DPYS: variants seen among roughly 807,000 people sequenced by gnomAD.
DPYS encodes the protein dihydropyrimidinase, also known as dihydropyrimidine amidohydrolase.
Under a neutral mutation model 50.3 loss-of-function variants are expected in DPYS, and 39 were observed. The observed-to-expected ratio is 0.78, with a 90% confidence interval of 0.60 to 1.01. The LOEUF (loss-of-function observed/expected upper bound fraction) is 1.01. DPYS is among the 50% of genes least tolerant of loss of function. The pLI is 0.00. For synonymous variants in DPYS, 245 were observed against 250.7 expected, an observed-to-expected ratio of 0.98 and a Z score of 0.22; for missense variants, 659 against 680.9, an observed-to-expected ratio of 0.97 and a Z score of 0.36.
intron 7 of DPYS, among the ~76,000 whole-genome samples, chr8:104,412,031 T>C (rs1812198809): frequency 6.6e-6 from 1 of 152,196 alleles, no homozygotes; most frequent in Non-Finnish European, 1.5e-5. Flanking sequence ...GTACTCTGAC[T>C]CTCCTTCCCA....
At chr8:104,439,064 T>TA (rs766605786) in intron 4 of DPYS, among the ~76,000 whole-genome samples, 1,354 of 102,252 alleles carry the variant, frequency 0.013, 18 homozygotes, top group African/African-American at 0.038. Flanking sequence ...GCCTCTTAAA[T>TA]AAAAAAAAAA....
At chr8:104,399,594 G>A (rs768367171) in intron 7 of DPYS, among the ~76,000 whole-genome samples, 6 of 151,974 alleles carry the variant, frequency 3.9e-5, no homozygotes, top group Non-Finnish European at 5.9e-5. Flanking sequence ...CTGCAGCTGC[G>A]TGCGGTTGCT....
rs1178316303 is a variant in DPYS, at chr8:104,429,673, T to A, written c.822A>T (p.Ala274=). ...DGKVVYGEPI[A]ASLGTDGTHY... ...GAGTGCCATCTGTGCCAAGACTGGC[T>A]GCTATGGGTTCACCATAGACCACCT... Residue 274 remains alanine (A), a synonymous_variant, in exon 5 of 10, where the codon GCA becomes GCT. Transcript: ENST00000351513. 6.2e-7 allele frequency: 1 copy of A among 1,614,160 alleles called. No homozygotes were observed. The highest frequency in any genetic ancestry group is 1.1e-5 in the South Asian group (1 of 91,082).
rs1184815192 is a variant in DPYS, at chr8:104,396,498, CA to C, written c.1236-3508del. Among the ~76,000 whole-genome samples, 24 of 152,168 alleles carry C rather than the reference CA, an allele frequency of 1.6e-4. No homozygotes were observed. The South Asian group carries it at 3.9e-3, about 25-fold the overall frequency. ...TAAAAACTGAAGCATAACTATTTTC[CA>C]AAGTCTATCCTATAGAATATTAGGC... is the stretch of plus-strand genomic sequence containing the variant. On this transcript the variant is annotated intron_variant, in intron 7 of 9. Coordinates refer to ENST00000351513, the MANE Select transcript of DPYS (RefSeq NM_001385.3).
chr8:104,444,963 G>C (rs1813479666), intron 3 of DPYS, among the ~76,000 whole-genome samples: 1 of 152,178 alleles, frequency 6.6e-6, no homozygotes. Context: ...GATTTGAATA[G>C]AGATTTCTTC....
rs1813576147 is a variant in DPYS at position 104,447,453 on chromosome 8, G to A, written c.474C>T (p.Phe158=). ...ILVQDKGVNS[F]KMFMAYKDLY... ...GATCTTTATAGGCCATAAACATCTT[G>A]AAAGAGTTAACACCTTTATCTTGCA... The change falls in exon 3 of 10, where the codon TTC becomes TTT. Residue 158 remains phenylalanine, a synonymous_variant. Coordinates refer to ENST00000351513, the MANE Select transcript of DPYS (RefSeq NM_001385.3). 5 of 1,613,944 alleles carry A rather than the reference G, an allele frequency of 3.1e-6. 1 individual carries two copies. The South Asian group carries it at 4.4e-5, about 14-fold the overall frequency.
chr8:104,436,197 T>C (rs1813139703), intron 4 of DPYS, among the ~76,000 whole-genome samples: 1 of 152,138 alleles, frequency 6.6e-6, no homozygotes, highest in Admixed American at 6.5e-5. Context: ...TCCATGCCCG[T>C]TCCCACACTG....
rs1812645345 is a variant in DPYS at position 104,424,261 on chromosome 8, G to A, written c.1221C>T (p.Asp407=). ...CTTAGACTTACCTTGTGCCTTTTGG[G>A]TCCCAAATAACAATGTCAGCATCTG... ...VGSDADIVIW[D]PKGTRTISAK... is the part of the protein sequence containing the mutation. Residue 407 remains aspartate, a synonymous_variant, in exon 7 of 10, where the codon GAC becomes GAT. Coordinates refer to ENST00000351513, the MANE Select transcript of DPYS (RefSeq NM_001385.3). 1 of 1,613,932 alleles carries A rather than the reference G, an allele frequency of 6.2e-7. No individual in the cohort carries two copies. The highest frequency in any genetic ancestry group is 1.1e-5 in the South Asian group (1 of 91,076).
At chr8:104,463,356 T>G (rs1253731630) in intron 1 of DPYS, among the ~76,000 whole-genome samples, 1 of 152,230 alleles carries the variant, frequency 6.6e-6, no homozygotes, top group Non-Finnish European at 1.5e-5. Context: ...AGTTACTGTC[T>G]TTTCTAAAGA....
intron 9 of DPYS, among the ~76,000 whole-genome samples, chr8:104,380,350 G>A (rs1474682275): frequency 1.3e-5 from 2 of 152,208 alleles, no homozygotes; most frequent in Admixed American, 1.3e-4. Context: ...CTGGGGTTAA[G>A]TCTTGTGCAG....
In DPYS at chr8:104,392,641, C is replaced by T; in HGVS notation, c.1443+143G>A. ...TTATCTAAAAACTGGCATCTCTAAT[C>T]TCTCATATCAATCCTGACACCCCAG... On this transcript the variant is annotated intron_variant, in intron 8 of 9. Transcript: ENST00000351513. 3 of 1,026,056 alleles carry T rather than the reference C, an allele frequency of 2.9e-6. No homozygotes were observed. In the South Asian group the frequency reaches 3.8e-5, roughly 13 times the overall value. 63.6% of individuals were successfully genotyped at this position (1,026,056 alleles called of 1,614,324 possible). A position where few individuals can be genotyped will look rare whatever the true frequency, so the allele number is the denominator to read the frequency against.
chr8:104,433,033 G>C (rs1813006870), intron 4 of DPYS, among the ~76,000 whole-genome samples: 1 of 152,152 alleles, frequency 6.6e-6, no homozygotes. Flanking sequence ...ATACGAAGAG[G>C]AAATTTGGAC....
At chr8:104,386,179 G>A (rs1221893448) in intron 8 of DPYS, among the ~76,000 whole-genome samples, 1 of 152,122 alleles carries the variant, frequency 6.6e-6, no homozygotes, top group Non-Finnish European at 1.5e-5. Context: ...TTTCATAACT[G>A]CAGAAATGCC....
Position 104,429,717 on chromosome 8 carries a change from G to A in DPYS, c.794-16C>T. The A allele has an allele frequency of 6.2e-7, 1 of 1,613,978 alleles. No individual in the cohort carries two copies. Among genetic ancestry groups the A allele is most frequent in the Non-Finnish European group, 8.5e-7 (1 of 1,179,962 alleles). On this transcript the variant is annotated splice_polypyrimidine_tract_variant and intron_variant, in intron 4 of 9. Coordinates refer to ENST00000351513, the MANE Select transcript of DPYS (RefSeq NM_001385.3). ...ACCACCTTCCCTGGAAAGATTAAAA[G>A]AAGCATTCATCACTTTAATTTTATT...
At chr8:104,420,271 G>C (rs889731029) in intron 7 of DPYS, 1 of 152,196 alleles carries the variant, frequency 6.6e-6, no homozygotes, top group African/African-American at 2.4e-5. Context: ...AAAGGTCCTA[G>C]TTGAGGTCAT....
chr8:104,401,188 C>T (rs1408301402), intron 7 of DPYS, among the ~76,000 whole-genome samples: 3 of 152,158 alleles, frequency 2.0e-5, no homozygotes, highest in Non-Finnish European at 2.9e-5. Context: ...TTATTAGTGG[C>T]ATCTTTAAAA....
At chr8:104,433,800 C>G (rs1411911217) in intron 4 of DPYS, among the ~76,000 whole-genome samples, 2 of 152,120 alleles carry the variant, frequency 1.3e-5, no homozygotes, top group East Asian at 3.9e-4. Flanking sequence ...AGCGTGACTA[C>G]TTGGGAAGAG....
intron 4 of DPYS, among the ~76,000 whole-genome samples, chr8:104,442,583 T>G (rs1429342483): frequency 1.3e-5 from 2 of 152,196 alleles, no homozygotes; most frequent in Non-Finnish European, 2.9e-5. Context: ...TTCTTTTACA[T>G]GCGAGAGTAG....
At chr8:104,380,564 G>A (rs778035077) in intron 9 of DPYS, 8 of 153,186 alleles carry the variant, frequency 5.2e-5, no homozygotes, top group Non-Finnish European at 1.2e-4. Context: ...AAAGAAAATT[G>A]ACAAGGATGA....
Sources: gnomAD v4.1 joint callset for allele counts (sites outside exome capture counted in the v4.1 genomes callset) on GRCh38, gnomAD v4.1.1 for gene constraint, MANE v1.5 for transcripts, NCBI Gene and HGNC (gene_info 2026-07-23, HGNC 2026-07-21) for gene names.